CCDC63: variants seen among roughly 807,000 people sequenced by gnomAD.
CCDC63 encodes coiled-coil domain-containing protein 63.
CCDC63 carries 54 observed loss-of-function variants against 63.6 expected under a neutral mutation model. That is an observed-to-expected ratio of 0.85 (90% CI 0.68 to 1.07). The LOEUF (loss-of-function observed/expected upper bound fraction) is 1.07, where lower values mean the gene tolerates loss of function less well. CCDC63 is among the 50% of genes least tolerant of loss of function. The probability of loss-of-function intolerance (pLI) is 0.00; values close to 1 mark genes in which losing one functional copy is unlikely to be tolerated. For synonymous variants in CCDC63, 253 were observed against 266.1 expected (o/e 0.95, Z 0.48); for missense variants, 637 against 689.6 (o/e 0.92, Z 0.86).
At chr12:110,881,555 A>G (rs2071209781) in intron 7 of CCDC63, among the ~76,000 whole-genome samples, 1 of 152,186 alleles carries the variant, frequency 6.6e-6, no homozygotes, top group Non-Finnish European at 1.5e-5. Flanking sequence ...CCCCGTCTCT[A>G]CTAAAAATAC....
At chr12:110,867,128 A>AC (rs1411166456) in intron 4 of CCDC63, among the ~76,000 whole-genome samples, 61 of 88,080 alleles carry the variant, frequency 6.9e-4, no homozygotes, top group African/African-American at 2.1e-3. Context: ...AGGGGGGCTG[A>AC]CCCCCCCCAC....
intron 4 of CCDC63, among the ~76,000 whole-genome samples, chr12:110,867,503 T>C (rs546324997): frequency 0.22 from 11,337 of 50,836 alleles, 1,351 homozygotes; most frequent in African/African-American, 0.31. Context: ...ACCTCCGGGA[T>C]GGGGCGGCTG....
At position 110,853,480 on chromosome 12, in the gene CCDC63, G is replaced by T. The variant is rs1250979743; in HGVS notation, c.85G>T (p.Ala29Ser). 8.7e-6 allele frequency: 14 copies of T among 1,614,088 alleles called. No individual in the cohort carries two copies. Among genetic ancestry groups the T allele is most frequent in the Non-Finnish European group, 1.0e-5 (12 of 1,180,038 alleles). Residue 29 changes from alanine (A) to serine (S), a missense_variant, in exon 3 of 12, where the codon GCA becomes TCA. Coordinates refer to ENST00000308208, the MANE Select transcript of CCDC63 (RefSeq NM_152591.3). ...SEKAKEQQAE[A>S]ELRKLRQQFR... ...GAAGGCCAAAGAGCAGCAGGCGGAG[G>T]CAGAGCTCCGGAAGCTAAGGCAGCA...
At chr12:110,904,908 CTT>C (rs2071539758) in intron 11 of CCDC63, 117 bp downstream of exon 11, 1 of 751,954 alleles carries the variant, frequency 1.3e-6, no homozygotes, top group African/African-American at 1.8e-5. Context: ...GGTTTCCTCT[CTT>C]TATGAGCTCT....
Position 110,879,932 on chromosome 12 carries a change from G to A in CCDC63, c.516G>A (p.Leu172=), listed in dbSNP as rs780834578. ...TCACTGTTCACTTTGACAAGATGCTGACCACTAATGCCAAGCTCCGGAAGG... is the reference window on the plus strand; with the variant it reads ...TCACTGTTCACTTTGACAAGATGCTAACCACTAATGCCAAGCTCCGGAAGG... ...NLVTVHFDKM[L]TTNAKLRKEI... is the part of the protein sequence containing the mutation. The change falls in exon 6 of 12, where the codon CTG becomes CTA. Residue 172 remains leucine (L), a synonymous_variant. Coordinates refer to ENST00000308208, the MANE Select transcript of CCDC63 (RefSeq NM_152591.3). The A allele has an allele frequency of 1.5e-5, 24 of 1,614,018 alleles. No homozygotes were observed. Among genetic ancestry groups the A allele is most frequent in the Admixed American group, 1.7e-5 (1 of 60,000 alleles).
chr12:110,871,069 C>T (rs941692359), intron 4 of CCDC63, among the ~76,000 whole-genome samples: 8 of 152,142 alleles, frequency 5.3e-5, no homozygotes, highest in African/African-American at 1.7e-4. Flanking sequence ...TCTGTGAATA[C>T]CAAACTTCCA....
At chr12:110,883,446 C>T (rs946423496) in intron 7 of CCDC63, among the ~76,000 whole-genome samples, 7 of 152,112 alleles carry the variant, frequency 4.6e-5, no homozygotes, top group African/African-American at 1.7e-4. Flanking sequence ...CTACCATGCC[C>T]GGCCAGGGCA....
upstream of CCDC63, chr12:110,846,063 A>T (rs1043274851): frequency 5.9e-5 from 9 of 151,994 alleles, no homozygotes; most frequent in Admixed American, 5.9e-4. Context: ...CAGCCTCCCA[A>T]AGTGCTAGGA....
intron 6 of CCDC63, among the ~76,000 whole-genome samples, chr12:110,880,866 G>C (rs2071197337): frequency 1.4e-5 from 2 of 143,430 alleles, no homozygotes; most frequent in Admixed American, 7.1e-5. Flanking sequence ...GGTGGTGGTG[G>C]TGATGATGAT....
chr12:110,904,593 AT>A lies in CCDC63; in HGVS notation c.1350del (p.Ile450MetfsTer86). On this transcript the variant is annotated frameshift_variant, in exon 11 of 12. Transcript: ENST00000308208. LOFTEE classifies it high-confidence loss of function. ...DINLPQYFAI[I>X]EKKTNDLLLL... ...TCCTGCTTCTTGTTCTCCAGCCATC[AT>A]TGAAAAGAAGACCAACGACCTGCTG... 1 of 1,613,972 alleles carries A rather than the reference AT, an allele frequency of 6.2e-7. No individual in the cohort carries two copies. The highest frequency in any genetic ancestry group is 1.3e-5 in the African/African-American group (1 of 74,970).
upstream of CCDC63, among the ~76,000 whole-genome samples, chr12:110,844,739 G>T (rs1431773696): frequency 2.0e-5 from 3 of 152,158 alleles, no homozygotes; most frequent in Non-Finnish European, 4.4e-5. Flanking sequence ...ACTGCTCCTG[G>T]TTACATAGGC....
At chr12:110,869,341 T>TC (rs1267065239) in intron 4 of CCDC63, among the ~76,000 whole-genome samples, 1 of 152,158 alleles carries the variant, frequency 6.6e-6, no homozygotes, top group Non-Finnish European at 1.5e-5. Flanking sequence ...TCCTCTTCAT[T>TC]CCCTGTTGCC....
At chr12:110,860,167 C>T (rs2070834847) in intron 4 of CCDC63, among the ~76,000 whole-genome samples, 1 of 152,210 alleles carries the variant, frequency 6.6e-6, no homozygotes, top group Non-Finnish European at 1.5e-5. Context: ...TGGTCTGGAA[C>T]TTGGAGAGCC....
chr12:110,901,594 C>T (rs1374354107), intron 10 of CCDC63, among the ~76,000 whole-genome samples: 1 of 151,994 alleles, frequency 6.6e-6, no homozygotes, highest in Non-Finnish European at 1.5e-5. Flanking sequence ...TGCCACTGAC[C>T]TTCCCAGCCT....
At chr12:110,870,345 G>A (rs2071048330) in intron 4 of CCDC63, among the ~76,000 whole-genome samples, 1 of 152,200 alleles carries the variant, frequency 6.6e-6, no homozygotes, top group South Asian at 2.1e-4. Flanking sequence ...GCCTCCCAAT[G>A]TGTTGGGATT....
chr12:110,897,575 G>A (rs1329852048), intron 9 of CCDC63, among the ~76,000 whole-genome samples: 1 of 151,982 alleles, frequency 6.6e-6, no homozygotes, highest in Admixed American at 6.6e-5. Context: ...TCCAGCCTGG[G>A]TGACAGAGCA....
chr12:110,857,005 A>G (rs939418877), intron 3 of CCDC63, among the ~76,000 whole-genome samples: 1 of 151,520 alleles, frequency 6.6e-6, no homozygotes, highest in Non-Finnish European at 1.5e-5. Flanking sequence ...GGGCCTCACT[A>G]TGTTGTCCAG....
intron 4 of CCDC63, among the ~76,000 whole-genome samples, chr12:110,866,560 C>A (rs2070951693): frequency 6.8e-6 from 1 of 146,150 alleles, no homozygotes; most frequent in African/African-American, 2.6e-5. Flanking sequence ...TTTAACAAAG[C>A]ACATCTTGCA....
intron 1 of CCDC63, among the ~76,000 whole-genome samples, chr12:110,850,971 C>T (rs1027010567): frequency 6.6e-6 from 1 of 152,178 alleles, no homozygotes; most frequent in African/African-American, 2.4e-5. Flanking sequence ...ATTCATTCCT[C>T]AAAACCCAAG....
Sources: gnomAD v4.1 joint callset for allele counts (sites outside exome capture counted in the v4.1 genomes callset) on GRCh38, gnomAD v4.1.1 for gene constraint, MANE v1.5 for transcripts, NCBI Gene and HGNC (gene_info 2026-07-23, HGNC 2026-07-21) for gene names.